Variants in HYCC2 observed in about 807,000 individuals in gnomAD.
The protein encoded by HYCC2 is hyccin 2.
the HYCC2 span, among the ~76,000 whole-genome samples, chr2:200,995,255 G>A: frequency 1.3e-5 from 2 of 152,082 alleles, no homozygotes; most frequent in Non-Finnish European, 2.9e-5. Flanking sequence ...ATTTAGATGG[G>A]CAAAATTAAT....
chr2:201,046,340 C>G, the HYCC2 span, among the ~76,000 whole-genome samples: 1 of 152,052 alleles, frequency 6.6e-6, no homozygotes, highest in East Asian at 1.9e-4. Flanking sequence ...GTCAGGACCC[C>G]CTACTCCACC....
the HYCC2 span, chr2:201,022,197 T>C: frequency 3.0e-6 from 2 of 661,064 alleles, no homozygotes; most frequent in Non-Finnish European, 4.8e-6. Flanking sequence ...GATAAAACTG[T>C]ATGTCATACT....
At chr2:200,992,307 G>C in the HYCC2 span, 1 of 1,610,734 alleles carries the variant, frequency 6.2e-7, no homozygotes, top group South Asian at 1.1e-5. Flanking sequence ...AAAAGCTCTA[G>C]CTGGGCTCTA....
chr2:201,069,702 T>C, the HYCC2 span, among the ~76,000 whole-genome samples: 4 of 152,076 alleles, frequency 2.6e-5, no homozygotes, highest in East Asian at 1.9e-4. Flanking sequence ...GTGACTGAGA[T>C]TGCATTATTC....
the HYCC2 span, among the ~76,000 whole-genome samples, chr2:201,031,805 G>T: frequency 6.6e-5 from 10 of 152,098 alleles, no homozygotes; most frequent in African/African-American, 2.4e-4. Context: ...TCTTCCAATT[G>T]TTCTAATACA....
At chr2:201,049,066 G>A in the HYCC2 span, among the ~76,000 whole-genome samples, 2 of 151,088 alleles carry the variant, frequency 1.3e-5, no homozygotes, top group African/African-American at 4.9e-5. Context: ...CAAGGCTGCA[G>A]TAGGCCATGA....
At chr2:201,012,952 TAC>T in the HYCC2 span, among the ~76,000 whole-genome samples, 66,992 of 145,900 alleles carry the variant, frequency 0.46, 14,872 homozygotes, top group East Asian at 0.55. Context: ...TTTCAAAAAA[TAC>T]ACACACACAC....
chr2:201,016,986 C>A, the HYCC2 span: 1 of 1,610,938 alleles, frequency 6.2e-7, no homozygotes, highest in Non-Finnish European at 8.5e-7. Context: ...TCATCTTCAA[C>A]TTACCAAATT....
the HYCC2 span, among the ~76,000 whole-genome samples, chr2:201,049,487 A>G: frequency 6.6e-6 from 1 of 151,010 alleles, no homozygotes; most frequent in Non-Finnish European, 1.5e-5. Context: ...AGTAGCTGGG[A>G]ATACAGGCGC....
chr2:201,003,045 T>C, the HYCC2 span, among the ~76,000 whole-genome samples: 1 of 152,100 alleles, frequency 6.6e-6, no homozygotes, highest in Non-Finnish European at 1.5e-5. Flanking sequence ...GAATAAGATA[T>C]CTATGTGCCA....
At chr2:201,059,792 T>C in the HYCC2 span, among the ~76,000 whole-genome samples, 1,100 of 152,184 alleles carry the variant, frequency 7.2e-3, 16 homozygotes, top group African/African-American at 0.025. Flanking sequence ...ATGCCTGTAA[T>C]CCTCGCACTT....
chr2:201,024,579 A>C, the HYCC2 span, among the ~76,000 whole-genome samples: 1 of 152,234 alleles, frequency 6.6e-6, no homozygotes, highest in Non-Finnish European at 1.5e-5. Context: ...AAATACTTCA[A>C]ACTGGCAAAG....
the HYCC2 span, chr2:200,976,887 C>T: frequency 6.6e-6 from 1 of 152,164 alleles, no homozygotes; most frequent in Non-Finnish European, 1.5e-5. Flanking sequence ...CTTTACTTTG[C>T]AATACTCTAT....
chr2:201,026,248 C>A, the HYCC2 span, among the ~76,000 whole-genome samples: 1 of 152,094 alleles, frequency 6.6e-6, no homozygotes, highest in Non-Finnish European at 1.5e-5. Flanking sequence ...GGGATCAATG[C>A]AACAAGAAGA....
At chr2:200,986,989 T>A in the HYCC2 span, among the ~76,000 whole-genome samples, 1 of 152,226 alleles carries the variant, frequency 6.6e-6, no homozygotes, top group Non-Finnish European at 1.5e-5. Context: ...TCATTCATAT[T>A]GATGAATAAG....
the HYCC2 span, chr2:201,064,102 G>A: frequency 1.4e-6 from 2 of 1,440,752 alleles, no homozygotes; most frequent in Non-Finnish European, 1.9e-6. Context: ...TGACAGGGAA[G>A]CTACAGGTTA....
At chr2:201,070,215 T>A in the HYCC2 span, among the ~76,000 whole-genome samples, 3 of 152,154 alleles carry the variant, frequency 2.0e-5, no homozygotes, top group African/African-American at 4.8e-5. Context: ...AATTATAAAA[T>A]TTTTTTAAAT....
At chr2:201,040,292 AG>A in the HYCC2 span, among the ~76,000 whole-genome samples, 3 of 152,134 alleles carry the variant, frequency 2.0e-5, no homozygotes, top group East Asian at 5.8e-4. Context: ...AGTGGTGTAC[AG>A]CAGCAGTTCT....
At chr2:201,040,035 G>A in the HYCC2 span, among the ~76,000 whole-genome samples, 142 of 152,148 alleles carry the variant, frequency 9.3e-4, no homozygotes, top group African/African-American at 3.3e-3. Context: ...TTAGCCAGGC[G>A]TGGTGGTGGA....
Sources: allele counts gnomAD v4.1 joint callset (sites outside exome capture counted in the v4.1 genomes callset), GRCh38; gene constraint gnomAD v4.1.1; transcripts MANE v1.5; gene names NCBI Gene and HGNC (gene_info 2026-07-23, HGNC 2026-07-21).